The following KANSL1 variants were observed in gnomAD, a reference collection of about 807,000 sequenced individuals.
KANSL1 encodes MLL1/MLL complex subunit KANSL1.
Under a neutral mutation model 103.6 loss-of-function variants are expected in KANSL1, and 22 were observed. The ratio of observed to expected loss-of-function variants is 0.21; its 90% CI spans 0.15 to 0.30. The LOEUF (loss-of-function observed/expected upper bound fraction) is 0.30, where lower values mean the gene tolerates loss of function less well. Ranked by LOEUF, KANSL1 falls within the 10% of genes least tolerant of loss-of-function variation. KANSL1 has a pLI of 1.00. For synonymous variants in KANSL1, 600 were observed against 527.6 expected (o/e 1.14, Z -1.88); for missense variants, 1,337 against 1,399.8 (o/e 0.96, Z 0.72).
chr17:46,038,462 C>A (rs2077214847), intron 10 of KANSL1, 76 bp downstream of exon 10: 1 of 1,527,662 alleles, frequency 6.5e-7, no homozygotes, highest in African/African-American at 1.4e-5. Flanking sequence ...CCCACCCTCA[C>A]ACTGTCCTCT....
intron 2 of KANSL1, among the ~76,000 whole-genome samples, chr17:46,131,898 G>T (rs1026874313): frequency 6.6e-6 from 1 of 152,158 alleles, no homozygotes; most frequent in African/African-American, 2.4e-5. Flanking sequence ...GGAGGCCGAG[G>T]CAGGTGGATC....
rs1485081719 is a variant in KANSL1, at chr17:46,192,875, A to C, written c.-142T>G. 3 of 152,786 alleles carry C rather than the reference A, an allele frequency of 2.0e-5. No homozygotes were observed. Among genetic ancestry groups the C allele is most frequent in the African/African-American group, 7.3e-5 (3 of 41,370 alleles). The allele number at this position is 152,786 out of a possible 1,614,324, so 9.5% of individuals were successfully genotyped here. The stretch of plus-strand genomic sequence containing the variant: ...GGATTCAGCCCCACAAAATGGGCGC[A>C]GTTTGCAAACAGCCCCCCGGCCTGG... On this transcript the variant is annotated 5_prime_UTR_variant, in exon 1 of 15. Coordinates refer to ENST00000432791, the MANE Select transcript of KANSL1 (RefSeq NM_015443.4).
chr17:46,062,837 G>C (rs2078228019), intron 6 of KANSL1, among the ~76,000 whole-genome samples: 1 of 151,806 alleles, frequency 6.6e-6, no homozygotes, highest in African/African-American at 2.4e-5. Flanking sequence ...ATCACTTGAG[G>C]TCAGGAGTTC....
chr17:46,070,125 G>A (rs551787601), intron 4 of KANSL1, among the ~76,000 whole-genome samples: 5 of 152,130 alleles, frequency 3.3e-5, no homozygotes, highest in Non-Finnish European at 7.3e-5. Flanking sequence ...CTACCCTAAA[G>A]GAGTAACTCA....
At chr17:46,132,347 T>C (rs1425978084) in intron 2 of KANSL1, among the ~76,000 whole-genome samples, 1 of 152,234 alleles carries the variant, frequency 6.6e-6, no homozygotes, top group Admixed American at 6.5e-5. Context: ...CTTTGCACAA[T>C]GCCTGGCACA....
chr17:46,203,397 T>C (rs2047867290), intron 1 of KANSL1, among the ~76,000 whole-genome samples: 1 of 152,202 alleles, frequency 6.6e-6, no homozygotes, highest in Non-Finnish European at 1.5e-5. Flanking sequence ...ACACTTGTAA[T>C]CCAAATGTGA....
chr17:46,081,620 C>T (rs1469509858), intron 4 of KANSL1, among the ~76,000 whole-genome samples: 1 of 152,148 alleles, frequency 6.6e-6, no homozygotes, highest in Non-Finnish European at 1.5e-5. Context: ...TAGTTTCCAC[C>T]ACATCATGCG....
intron 3 of KANSL1, chr17:46,093,941 T>G (rs1306137127): frequency 1.3e-5 from 2 of 152,412 alleles, no homozygotes; most frequent in Non-Finnish European, 2.9e-5. Flanking sequence ...TGTGGCAGTT[T>G]TATAACAGGG....
upstream of KANSL1, among the ~76,000 whole-genome samples, chr17:46,197,816 A>G (rs1482468443): frequency 2.0e-5 from 3 of 152,244 alleles, no homozygotes; most frequent in South Asian, 2.1e-4. Flanking sequence ...ACTCATCTAT[A>G]GATAATAAAC....
At chr17:46,218,292 C>T (rs1369817892) in intron 1 of KANSL1, among the ~76,000 whole-genome samples, 2 of 152,250 alleles carry the variant, frequency 1.3e-5, no homozygotes, top group South Asian at 2.1e-4. Context: ...TAAGTACCTA[C>T]CAGGTGCTGT....
At chr17:46,071,297 C>A (rs1028419320) in intron 4 of KANSL1, among the ~76,000 whole-genome samples, 4 of 152,072 alleles carry the variant, frequency 2.6e-5, no homozygotes, top group Non-Finnish European at 5.9e-5. Flanking sequence ...GCATTCCCAG[C>A]CACAAAAAAG....
At chr17:46,173,010 G>A (rs935634250) in intron 1 of KANSL1, among the ~76,000 whole-genome samples, 1 of 152,214 alleles carries the variant, frequency 6.6e-6, no homozygotes, top group South Asian at 2.1e-4. Flanking sequence ...CCATAATCTG[G>A]ATTTCACCCC....
chr17:46,205,863 A>G (rs1424504297), intron 1 of KANSL1, among the ~76,000 whole-genome samples: 1 of 152,072 alleles, frequency 6.6e-6, no homozygotes, highest in Non-Finnish European at 1.5e-5. Context: ...GGGCTGCTTG[A>G]GCGCAGAAGT....
rs530014214 is a variant in KANSL1, at chr17:46,148,772, G to A, written c.1289+22083C>T. ...AATTTTTTTTTGTATTTTTAGTAGC[G>A]ACAGGGTTTAACCATGTTGGCCAGG... On this transcript the variant is annotated intron_variant, in intron 2 of 14. Transcript: ENST00000432791. 7.3e-5 allele frequency among the ~76,000 whole-genome samples: 11 copies of A among 151,126 alleles called. No individual in the cohort carries two copies. The East Asian group carries it at 1.8e-3, about 24-fold the overall frequency.
intron 3 of KANSL1, among the ~76,000 whole-genome samples, chr17:46,089,976 T>C (rs2079319520): frequency 6.6e-6 from 1 of 152,246 alleles, no homozygotes; most frequent in Admixed American, 6.5e-5. Flanking sequence ...CTCTTCCAAA[T>C]TTATGTTCAC....
intron 7 of KANSL1, among the ~76,000 whole-genome samples, chr17:46,048,876 TG>T (rs2077605458): frequency 6.6e-6 from 1 of 151,908 alleles, no homozygotes; most frequent in Non-Finnish European, 1.5e-5. Flanking sequence ...CTTCATTAAT[TG>T]AAAAAAAAAA....
intron 1 of KANSL1, among the ~76,000 whole-genome samples, chr17:46,190,171 T>C (rs2047244611): frequency 1.3e-5 from 2 of 152,252 alleles, no homozygotes; most frequent in African/African-American, 2.4e-5. Flanking sequence ...GTAGCATTAC[T>C]AGAGATGGAA....
chr17:46,077,725 T>C (rs1466238406), intron 4 of KANSL1, among the ~76,000 whole-genome samples: 1 of 151,980 alleles, frequency 6.6e-6, no homozygotes, highest in East Asian at 1.9e-4. Flanking sequence ...GCTTGGATAA[T>C]TTTTGTATTT....
intron 1 of KANSL1, among the ~76,000 whole-genome samples, chr17:46,173,786 GA>G (rs1347855708): frequency 6.6e-6 from 1 of 152,142 alleles, no homozygotes; most frequent in East Asian, 1.9e-4. Flanking sequence ...AGATGTCCTT[GA>G]TGAACAGCAA....
Sources: allele counts gnomAD v4.1 joint callset (sites outside exome capture counted in the v4.1 genomes callset), GRCh38; gene constraint gnomAD v4.1.1; transcripts MANE v1.5; gene names NCBI Gene and HGNC (gene_info 2026-07-23, HGNC 2026-07-21).